Variants in ZNF8 observed in about 807,000 individuals in gnomAD.
ZNF8 encodes zinc finger protein 8, also known as zinc finger protein 272.
A neutral mutation model predicts 12.2 loss-of-function variants in ZNF8; 9 were observed. That is an observed-to-expected ratio of 0.73 (90% confidence interval 0.44 to 1.28). The LOEUF (loss-of-function observed/expected upper bound fraction) is 1.28, where lower values mean the gene tolerates loss of function less well. ZNF8 is among the 50% of genes most tolerant of loss of function. The pLI is 0.00. For missense variants in ZNF8, 664 were observed against 729.1 expected (o/e 0.91, Z 1.03); for synonymous variants, 274 against 282.3 (o/e 0.97, Z 0.30).
rs923341941 is a variant in ZNF8, at chr19:58,279,589, C to G, written c.66+442C>G. The stretch of plus-strand genomic sequence containing the variant: ...ACGCGTGGAGTCAGCGGACACCCAC[C>G]GGGACCCCAGCACCGCGGAGCCCCT... On this transcript the variant is annotated intron_variant, in intron 1 of 3. Transcript: ENST00000621650. 7.2e-6 allele frequency: 11 copies of G among 1,532,958 alleles called. No homozygotes were observed. The African/African-American group carries it at 1.1e-4, about 15-fold the overall frequency. 95.0% of individuals were successfully genotyped at this position (1,532,958 alleles called of 1,614,324 possible). A position where few individuals can be genotyped will look rare whatever the true frequency, so the allele number is the denominator to read the frequency against.
rs1227610293 is a variant in ZNF8 at position 58,298,398 on chromosome 19, C to G, written c.*2862C>G. On this transcript the variant is annotated 3_prime_UTR_variant, in exon 4 of 4. Transcript: ENST00000621650. ...GGAGTGCAGTGGCACAATCTTGGCT[C>G]ACTGCAACCTCCGCCTCCCGGGTTC... 6.6e-6 allele frequency: 1 copy of G among 152,116 alleles called. No homozygotes were observed. Among genetic ancestry groups the G allele is most frequent in the Non-Finnish European group, 1.5e-5 (1 of 68,208 alleles). The allele number at this position is 152,116 out of a possible 1,614,324, so 9.4% of individuals were successfully genotyped here. A position where few individuals can be genotyped will look rare whatever the true frequency, so the allele number is the denominator to read the frequency against.
intron 3 of ZNF8, among the ~76,000 whole-genome samples, chr19:58,289,117 G>A (rs187467698): frequency 6.6e-6 from 1 of 152,110 alleles, no homozygotes; most frequent in South Asian, 2.1e-4. Context: ...TTTATGTTAA[G>A]ACAGAAACAT....
chr19:58,283,355 G>A (rs988804238), intron 1 of ZNF8, among the ~76,000 whole-genome samples: 10 of 152,124 alleles, frequency 6.6e-5, no homozygotes, highest in Non-Finnish European at 1.3e-4. Context: ...CAAATTTCAT[G>A]TGTTGATAGT....
intron 3 of ZNF8, among the ~76,000 whole-genome samples, chr19:58,288,017 T>G (rs930661370): frequency 2.4e-5 from 2 of 84,588 alleles, no homozygotes; most frequent in African/African-American, 9.8e-5. Flanking sequence ...TGTTTGTTTG[T>G]GTGTCCTTTT....
In ZNF8 at chr19:58,279,167, C is replaced by G; in HGVS notation, c.66+20C>G. 1 of 1,551,162 alleles carries G rather than the reference C, an allele frequency of 6.4e-7. No homozygotes were observed. Among genetic ancestry groups the G allele is most frequent in the South Asian group, 1.2e-5 (1 of 84,288 alleles). On this transcript the variant is annotated intron_variant, in intron 1 of 3. Coordinates refer to ENST00000621650, the MANE Select transcript of ZNF8 (RefSeq NM_021089.3). ...CTTCAGGTAACAATAACAACAATAA[C>G]GACGGCGGCGGGCTCCGGGCAAGCG... is the stretch of plus-strand genomic sequence containing the variant.
At chr19:58,289,952 A>G (rs1332322230) in intron 3 of ZNF8, among the ~76,000 whole-genome samples, 6 of 151,664 alleles carry the variant, frequency 4.0e-5, no homozygotes, top group Non-Finnish European at 8.8e-5. Context: ...CCGTGCCACC[A>G]TGCCCAGCTA....
chr19:58,279,634 A>G, intron 1 of ZNF8: 2 of 1,534,060 alleles, frequency 1.3e-6, no homozygotes, highest in Non-Finnish European at 1.7e-6. Context: ...CTTGGGCACA[A>G]CCTCTTGGGG....
rs1335673860 is a variant in ZNF8, at chr19:58,298,618, C to G, written c.*3082C>G. On this transcript the variant is annotated 3_prime_UTR_variant, in exon 4 of 4. Transcript: ENST00000621650. ...GGCATTACAGGCATGAGCCACCGTG[C>G]CTGGCCTACTTTCACTGAATTTCTG... is the stretch of plus-strand genomic sequence containing the variant. 6.6e-6 allele frequency: 1 copy of G among 152,172 alleles called. No individual in the cohort carries two copies. The highest frequency in any genetic ancestry group is 1.5e-5 in the Non-Finnish European group (1 of 68,038). The allele number at this position is 152,172 out of a possible 1,614,324, so 9.4% of individuals were successfully genotyped here.
rs1343982198 is a variant in ZNF8, at chr19:58,294,104, A to T, written c.296A>T (p.Glu99Val). The change falls in exon 4 of 4, where the codon GAG (glutamate) becomes GTG (valine). Residue 99 changes from glutamate (E) to valine (V), a missense_variant. Coordinates refer to ENST00000621650, the MANE Select transcript of ZNF8 (RefSeq NM_021089.3). The surrounding 1 kb of genome is among the most constrained non-coding windows in gnomAD (Gnocchi z 5.5). ...TCTTTGGGTTTTCTTTCAGCCTGGG[A>T]GCCTCGATCTGAAAGCCAAGCATCA... ...GTTQGCHPAW[E>V]PRSESQASRK... 9 of 1,595,872 alleles carry T rather than the reference A, an allele frequency of 5.6e-6. 1 individual carries two copies. The highest frequency in any genetic ancestry group is 7.7e-6 in the Non-Finnish European group (9 of 1,167,540).
rs2051495114 is a variant in ZNF8, at chr19:58,302,168, A to G, written c.*6632A>G. The G allele has an allele frequency of 6.6e-6, 1 of 152,188 alleles. No individual in the cohort carries two copies. The highest frequency in any genetic ancestry group is 6.5e-5 in the Admixed American group (1 of 15,276). The allele number at this position is 152,188 out of a possible 1,614,324, so 9.4% of individuals were successfully genotyped here. On this transcript the variant is annotated 3_prime_UTR_variant, in exon 4 of 4. Coordinates refer to ENST00000621650, the MANE Select transcript of ZNF8 (RefSeq NM_021089.3). ...TATTCCTACTGATTTCCTTGTAGAT[A>G]TTTTGAAACAGATAAGAAACTCCTC...
intron 3 of ZNF8, among the ~76,000 whole-genome samples, chr19:58,293,140 G>T (rs1029239409): frequency 6.6e-6 from 1 of 152,022 alleles, no homozygotes; most frequent in African/African-American, 2.4e-5. Context: ...GTAGAGACAG[G>T]GTTGGCCAGG....
chr19:58,286,267 C>T (rs2051382633), intron 3 of ZNF8, 62 bp downstream of exon 3: 3 of 1,464,330 alleles, frequency 2.0e-6, no homozygotes, highest in African/African-American at 1.4e-5. Flanking sequence ...TGGAGATGCA[C>T]TTCATGGAAA....
At chr19:58,280,276 T>C (rs2051341772) in intron 1 of ZNF8, 1 of 202,296 alleles carries the variant, frequency 4.9e-6, no homozygotes, top group Non-Finnish European at 1.0e-5. Flanking sequence ...ACCTCCAGGA[T>C]GGCTCACTCA....
chr19:58,283,599 CT>C lies in ZNF8; in HGVS notation c.67-2100del, dbSNP rs34775791. Among the ~76,000 whole-genome samples, 461 of 122,850 alleles carry C rather than the reference CT, an allele frequency of 3.8e-3. 2 individuals carry two copies. Among genetic ancestry groups the C allele is most frequent in the Admixed American group, 4.2e-3 (47 of 11,260 alleles). 80.6% of individuals were successfully genotyped at this position (122,850 alleles called of 152,430 possible). On this transcript the variant is annotated intron_variant, in intron 1 of 3. Transcript: ENST00000621650. ...CCTTCAGAACTGTAAGAAATAAACT[CT>C]TTTTTTTTTTTTTTTTTGAGTCGGA...
Position 58,299,327 on chromosome 19 carries a change from T to C in ZNF8, c.*3791T>C, listed in dbSNP as rs1475406371. 6.6e-6 allele frequency: 1 copy of C among 150,828 alleles called. No individual in the cohort carries two copies. The highest frequency in any genetic ancestry group is 2.4e-5 in the African/African-American group (1 of 41,092). The allele number at this position is 150,828 out of a possible 1,614,324, so 9.3% of individuals were successfully genotyped here. A position where few individuals can be genotyped will look rare whatever the true frequency, so the allele number is the denominator to read the frequency against. On this transcript the variant is annotated 3_prime_UTR_variant, in exon 4 of 4. Transcript: ENST00000621650. ...CGGGGTTTCACCCTGTTAGCCAGGA[T>C]GGTCTCAATCTCCTGACCTCGTGAT... is the stretch of plus-strand genomic sequence containing the variant.
At chr19:58,286,298 G>C in intron 3 of ZNF8, 93 bp downstream of exon 3, 8 of 1,035,186 alleles carry the variant, frequency 7.7e-6, no homozygotes, top group East Asian at 2.5e-5. Flanking sequence ...TGGTGGTCCT[G>C]AAGACCACCC....
chr19:58,278,978 G>A lies in ZNF8; in HGVS notation c.-104G>A, dbSNP rs1028291277. On this transcript the variant is annotated 5_prime_UTR_variant, in exon 1 of 4. Transcript: ENST00000621650. Reference sequence around the variant, plus strand: ...TTGTAGTCGCCGCGTCGCCGGTGCGGCCGCCATTGTCCGGCGTTCGGCGAG... The same window carrying A: ...TTGTAGTCGCCGCGTCGCCGGTGCGACCGCCATTGTCCGGCGTTCGGCGAG... The A allele has an allele frequency of 3.8e-6, 5 of 1,304,846 alleles. No individual in the cohort carries two copies. The highest frequency in any genetic ancestry group is 5.0e-6 in the Non-Finnish European group (5 of 1,007,100). 80.8% of individuals were successfully genotyped at this position (1,304,846 alleles called of 1,614,324 possible). A position where few individuals can be genotyped will look rare whatever the true frequency, so the allele number is the denominator to read the frequency against.
At chr19:58,279,295 G>C (rs1165947513) in intron 1 of ZNF8, 148 bp downstream of exon 1, 2 of 1,519,640 alleles carry the variant, frequency 1.3e-6, no homozygotes, top group African/African-American at 2.7e-5. Flanking sequence ...TCGGGGCGTG[G>C]TGACCGTCCT....
chr19:58,284,967 G>C (rs1475811370), intron 1 of ZNF8, among the ~76,000 whole-genome samples: 1 of 152,154 alleles, frequency 6.6e-6, no homozygotes, highest in African/African-American at 2.4e-5. Flanking sequence ...CTGAGTCCCT[G>C]CTGCTCCTTC....
Sources: gnomAD v4.1 joint callset for allele counts (sites outside exome capture counted in the v4.1 genomes callset) on GRCh38, gnomAD v4.1.1 for gene constraint, Gnocchi (gnomAD v3.1) non-coding constraint, MANE v1.5 for transcripts, NCBI Gene and HGNC (gene_info 2026-07-23, HGNC 2026-07-21) for gene names.